The following DLGAP2 variants were observed in gnomAD, a reference collection of about 807,000 sequenced individuals.
The protein encoded by DLGAP2 is DLG associated protein 2.
DLGAP2 carries 26 observed loss-of-function variants against 100.3 expected under a neutral mutation model. The observed-to-expected ratio is 0.26, with a 90% CI of 0.19 to 0.36. DLGAP2 has a LOEUF of 0.36. Ranked by LOEUF, DLGAP2 falls within the 10% of genes least tolerant of loss-of-function variation. The probability of loss-of-function intolerance (pLI) is 1.00; values close to 1 mark genes in which losing one functional copy is unlikely to be tolerated. For missense variants in DLGAP2, 1,858 were observed against 1,453.2 expected (o/e 1.28, Z -4.53); for synonymous variants, 886 against 630.1 (o/e 1.41, Z -6.08).
At position 1,465,994 on chromosome 8, in the gene DLGAP2, T is replaced by G. The variant is rs112934975; in HGVS notation, c.107-35372T>G. On this transcript the variant is annotated intron_variant, in intron 3 of 14. Transcript: ENST00000637795. The stretch of plus-strand genomic sequence containing the variant: ...GAGGTCAGAGAGAGACTCCCAACGT[T>G]ACAGCAGAGGCCGTGGGAGTCATGA... Among the ~76,000 whole-genome samples the G allele has an allele frequency of 8.6e-3, 1,316 of 152,274 alleles. 19 individuals carry two copies. The highest frequency in any genetic ancestry group is 0.03 in the African/African-American group (1,246 of 41,562).
intron 3 of DLGAP2, among the ~76,000 whole-genome samples, chr8:1,386,623 C>T (rs150614561): frequency 2.0e-3 from 312 of 152,198 alleles, no homozygotes; most frequent in African/African-American, 7.0e-3. Context: ...CAGGAAGATT[C>T]GGAGGATGTG....
chr8:1,590,433 G>T (rs906475520), intron 6 of DLGAP2, among the ~76,000 whole-genome samples: 54 of 152,222 alleles, frequency 3.5e-4, no homozygotes, highest in East Asian at 5.8e-4. Context: ...CGGAATGTAT[G>T]GTCAAATATA....
At chr8:1,156,810 G>T (rs912134277) in intron 2 of DLGAP2, among the ~76,000 whole-genome samples, 3 of 152,170 alleles carry the variant, frequency 2.0e-5, no homozygotes, top group Non-Finnish European at 2.9e-5. Flanking sequence ...TTCCCAGGTG[G>T]CATTTTTCAT....
chr8:1,458,644 G>A (rs1584924608), intron 3 of DLGAP2, among the ~76,000 whole-genome samples: 1 of 152,342 alleles, frequency 6.6e-6, no homozygotes, highest in East Asian at 1.9e-4. Context: ...TGAGCCTCCA[G>A]CAGCACAGAC....
chr8:1,353,249 G>C (rs1394402839), intron 3 of DLGAP2, among the ~76,000 whole-genome samples: 1 of 152,224 alleles, frequency 6.6e-6, no homozygotes, highest in African/African-American at 2.4e-5. Context: ...GTGCACAGGA[G>C]GCTTTCTCTA....
intron 6 of DLGAP2, among the ~76,000 whole-genome samples, chr8:1,591,885 C>G (rs1230329559): frequency 6.6e-6 from 1 of 152,184 alleles, no homozygotes; most frequent in Non-Finnish European, 1.5e-5. Context: ...TACAAACTCC[C>G]ACGGACTCCC....
chr8:1,020,797 G>A (rs1463260492), intron 2 of DLGAP2, among the ~76,000 whole-genome samples: 1 of 152,162 alleles, frequency 6.6e-6, no homozygotes, highest in Non-Finnish European at 1.5e-5. Context: ...TCCAGCCACG[G>A]GTTTGGGACC....
chr8:1,192,794 G>C (rs945382977), intron 2 of DLGAP2, among the ~76,000 whole-genome samples: 2 of 151,504 alleles, frequency 1.3e-5, no homozygotes, highest in Admixed American at 1.3e-4. Flanking sequence ...TTAACATTAG[G>C]TATATCTCCT....
At chr8:1,572,406 G>T (rs1802760917) in intron 6 of DLGAP2, among the ~76,000 whole-genome samples, 2 of 137,160 alleles carry the variant, frequency 1.5e-5, no homozygotes, top group African/African-American at 5.6e-5. Flanking sequence ...GGAGAGAGGG[G>T]TGAACTGTGG....
At chr8:1,382,018 A>G (rs982155273) in intron 3 of DLGAP2, among the ~76,000 whole-genome samples, 1 of 152,176 alleles carries the variant, frequency 6.6e-6, no homozygotes, top group African/African-American at 2.4e-5. Context: ...GTTGACCCTC[A>G]TAAAAAAGCA....
At chr8:1,595,536 G>A (rs1265550906) in intron 6 of DLGAP2, among the ~76,000 whole-genome samples, 9 of 150,906 alleles carry the variant, frequency 6.0e-5, no homozygotes, top group South Asian at 2.1e-4. Context: ...GCACGGTGGC[G>A]GGCGCCTGTA....
chr8:1,550,236 C>G (rs1225441329), intron 5 of DLGAP2, among the ~76,000 whole-genome samples: 1 of 152,186 alleles, frequency 6.6e-6, no homozygotes, highest in Non-Finnish European at 1.5e-5. Context: ...TGTGTATGTA[C>G]CGCATCTTCT....
intron 2 of DLGAP2, among the ~76,000 whole-genome samples, chr8:1,129,999 C>T (rs949432400): frequency 6.6e-6 from 1 of 152,172 alleles, no homozygotes; most frequent in African/African-American, 2.4e-5. Flanking sequence ...TAATCATGGT[C>T]AAGGGATCCT....
chr8:1,594,482 G>C (rs984137028), intron 6 of DLGAP2, among the ~76,000 whole-genome samples: 4 of 152,098 alleles, frequency 2.6e-5, no homozygotes, highest in African/African-American at 9.7e-5. Context: ...CAACAGACCA[G>C]ATCAAACAGA....
At chr8:998,007 A>G (rs1230830872) in intron 2 of DLGAP2, among the ~76,000 whole-genome samples, 1 of 150,170 alleles carries the variant, frequency 6.7e-6, no homozygotes, top group African/African-American at 2.4e-5. Flanking sequence ...ACAAACATGC[A>G]TAGACATGCA....
At chr8:1,600,831 C>G (rs558075841) in intron 6 of DLGAP2, among the ~76,000 whole-genome samples, 1 of 152,252 alleles carries the variant, frequency 6.6e-6, no homozygotes, top group South Asian at 2.1e-4. Flanking sequence ...ACTCCTTTAG[C>G]TTGGAGGAGT....
At position 1,316,365 on chromosome 8, in the gene DLGAP2, G is replaced by A. The variant is rs71516177; in HGVS notation, c.106+57482G>A. ...TGTGCGAGTGCAGCGTCTCTCCAAC[G>A]GTGGTCTACACTCGAGAAACTTGGC... On this transcript the variant is annotated intron_variant, in intron 3 of 14. Coordinates refer to ENST00000637795, the MANE Select transcript of DLGAP2 (RefSeq NM_001346810.2). Among the ~76,000 whole-genome samples, 275 of 55,536 alleles carry A rather than the reference G, an allele frequency of 5.0e-3. 1 individual carries two copies. Among genetic ancestry groups the A allele is most frequent in the Middle Eastern group, 0.014 (1 of 72 alleles). 36.4% of individuals were successfully genotyped at this position (55,536 alleles called of 152,430 possible).
chr8:1,355,265 G>A (rs1801821966), intron 3 of DLGAP2, among the ~76,000 whole-genome samples: 1 of 152,286 alleles, frequency 6.6e-6, no homozygotes, highest in Non-Finnish European at 1.5e-5. Flanking sequence ...CAGGCAGAGA[G>A]CACCTGTGTG....
intron 8 of DLGAP2, among the ~76,000 whole-genome samples, chr8:1,640,093 G>T (rs758047704): frequency 3.9e-5 from 6 of 152,208 alleles, no homozygotes; most frequent in Non-Finnish European, 8.8e-5. Flanking sequence ...AATGAATGAG[G>T]TCTTCTCTGA....
Sources: allele counts gnomAD v4.1 joint callset (sites outside exome capture counted in the v4.1 genomes callset), GRCh38; gene constraint gnomAD v4.1.1; transcripts MANE v1.5; gene names NCBI Gene and HGNC (gene_info 2026-07-23, HGNC 2026-07-21).